Variants in GOLM1 observed in about 807,000 individuals in gnomAD.
GOLM1 encodes epididymis luminal protein 46.
A neutral mutation model predicts 50.5 loss-of-function variants in GOLM1; 31 were observed. The observed-to-expected ratio is 0.61, with a 90% CI of 0.46 to 0.83. The LOEUF (loss-of-function observed/expected upper bound fraction) is 0.83, where lower values mean the gene tolerates loss of function less well. Among genes scored for constraint, GOLM1 ranks in the 40% least tolerant of loss-of-function variants. The pLI is 0.00. For synonymous variants in GOLM1, 178 were observed against 192.8 expected (o/e 0.92, Z 0.64); for missense variants, 491 against 501.3 (o/e 0.98, Z 0.20).
intron 4 of GOLM1, among the ~76,000 whole-genome samples, 191 bp from the exon 5 acceptor site, chr9:86,046,763 T>C (rs1326523583): frequency 2.0e-5 from 3 of 152,014 alleles, no homozygotes; most frequent in Admixed American, 2.0e-4. Flanking sequence ...CTGTGGAGAG[T>C]GCTCTGCAAG....
chr9:86,100,001 G>T (rs1258098977), upstream of GOLM1: 1 of 152,244 alleles, frequency 6.6e-6, no homozygotes, highest in Non-Finnish European at 1.5e-5. Context: ...ACGAAAAACA[G>T]GTTTTTAGGG....
At chr9:86,088,423 T>TGC (rs1437989368) in intron 1 of GOLM1, among the ~76,000 whole-genome samples, 209 of 17,874 alleles carry the variant, frequency 0.012, 5 homozygotes, top group African/African-American at 0.017. Context: ...GAAGGGTGTA[T>TGC]ATATATATAT....
chr9:86,045,767 T>A (rs1272494548), intron 5 of GOLM1, among the ~76,000 whole-genome samples: 1 of 151,862 alleles, frequency 6.6e-6, no homozygotes, highest in Non-Finnish European at 1.5e-5. Flanking sequence ...ATGACTGCAA[T>A]TAAGTAAACA....
intron 4 of GOLM1, among the ~76,000 whole-genome samples, chr9:86,049,096 T>C (rs1336403245): frequency 6.6e-6 from 1 of 152,224 alleles, no homozygotes; most frequent in Non-Finnish European, 1.5e-5. Flanking sequence ...TACATATGGA[T>C]AGCCAGTTTT....
intron 3 of GOLM1, among the ~76,000 whole-genome samples, chr9:86,054,423 C>T (rs1418643774): frequency 6.6e-6 from 1 of 152,112 alleles, no homozygotes; most frequent in East Asian, 1.9e-4. Flanking sequence ...GGGGTTTCAC[C>T]ATGTTGGCCA....
chr9:86,095,075 A>G (rs1358821694), intron 1 of GOLM1, among the ~76,000 whole-genome samples: 1 of 18,668 alleles, frequency 5.4e-5, no homozygotes, highest in East Asian at 1.1e-3. Context: ...AACCCCGTCT[A>G]AAAAAAAAAA....
intron 2 of GOLM1, 79 bp downstream of exon 2, chr9:86,079,113 A>C (rs1307949966): frequency 3.8e-6 from 5 of 1,319,138 alleles, no homozygotes; most frequent in African/African-American, 1.5e-5. Context: ...AATAAACAAC[A>C]AACCCCTGGG....
At chr9:86,060,046 TTAAAAA>T (rs1248335103) in intron 3 of GOLM1, among the ~76,000 whole-genome samples, 1 of 152,138 alleles carries the variant, frequency 6.6e-6, no homozygotes, top group African/African-American at 2.4e-5. Flanking sequence ...TATCCCAACT[TTAAAAA>T]TAAGAAACAG....
At chr9:86,076,414 C>T (rs7868249) in intron 3 of GOLM1, among the ~76,000 whole-genome samples, 28,094 of 104,252 alleles carry the variant, frequency 0.27, 5,757 homozygotes, top group African/African-American at 0.59. Context: ...AGAGGGAAAC[C>T]CCATCTCAAA....
chr9:86,027,206 C>T lies in GOLM1; in HGVS notation c.*611G>A. ...TGACAAGGGTTATTATACAAGTAGC[C>T]TTTTAAAAAATTCTCACACAGAACA... On this transcript the variant is annotated 3_prime_UTR_variant, in exon 10 of 10. Coordinates refer to ENST00000388712, the MANE Select transcript of GOLM1 (RefSeq NM_016548.4). The T allele has an allele frequency of 1.0e-6, 1 of 985,310 alleles. No homozygotes were observed. The highest frequency in any genetic ancestry group is 1.2e-6 in the Non-Finnish European group (1 of 829,826). 61.0% of individuals were successfully genotyped at this position (985,310 alleles called of 1,614,324 possible).
At position 86,068,141 on chromosome 9, in the gene GOLM1, C is replaced by T. The variant is rs371863706; in HGVS notation, c.309+9271G>A. 7.9e-5 allele frequency among the ~76,000 whole-genome samples: 12 copies of T among 151,998 alleles called. 1 individual carries two copies. Among genetic ancestry groups the T allele is most frequent in the African/African-American group, 2.2e-4 (9 of 41,448 alleles). ...GTTCTTATAAGAGGAGGAGAAGAGGCGAAAAGAAAGACTGAGAGGCAAGCA... is the reference window on the plus strand; with the variant it reads ...GTTCTTATAAGAGGAGGAGAAGAGGTGAAAAGAAAGACTGAGAGGCAAGCA... On this transcript the variant is annotated intron_variant, in intron 3 of 9. Coordinates refer to ENST00000388712, the MANE Select transcript of GOLM1 (RefSeq NM_016548.4).
chr9:86,026,184 G>A lies in GOLM1; in HGVS notation c.*1633C>T. Reference sequence around the variant, plus strand: ...ACATTTTATTTCTCAGCAATTCTATGCGTACAAATTAAACATGAGATGAAT... The same window carrying A: ...ACATTTTATTTCTCAGCAATTCTATACGTACAAATTAAACATGAGATGAAT... On this transcript the variant is annotated 3_prime_UTR_variant, in exon 10 of 10. Coordinates refer to ENST00000388712, the MANE Select transcript of GOLM1 (RefSeq NM_016548.4). 1 of 981,560 alleles carries A rather than the reference G, an allele frequency of 1.0e-6. No homozygotes were observed. Among genetic ancestry groups the A allele is most frequent in the Non-Finnish European group, 1.2e-6 (1 of 826,418 alleles). The allele number at this position is 981,560 out of a possible 1,614,324, so 60.8% of individuals were successfully genotyped here.
chr9:86,052,111 T>C (rs1646028073), intron 4 of GOLM1, among the ~76,000 whole-genome samples: 1 of 152,012 alleles, frequency 6.6e-6, no homozygotes, highest in South Asian at 2.1e-4. Flanking sequence ...GGAAGACCAA[T>C]CCCCAGCTGC....
chr9:86,093,243 G>A (rs985229177), intron 1 of GOLM1, among the ~76,000 whole-genome samples: 2 of 152,110 alleles, frequency 1.3e-5, no homozygotes, highest in Non-Finnish European at 2.9e-5. Context: ...TGGGCATGGT[G>A]GTGTGTGCCT....
intron 5 of GOLM1, among the ~76,000 whole-genome samples, chr9:86,043,806 T>A (rs559613230): frequency 7.2e-5 from 11 of 152,284 alleles, no homozygotes; most frequent in African/African-American, 2.2e-4. Context: ...CTTTCCTACA[T>A]GGGGAGCAGA....
intron 3 of GOLM1, among the ~76,000 whole-genome samples, chr9:86,065,057 C>T (rs766719325): frequency 1.2e-4 from 18 of 152,170 alleles, no homozygotes; most frequent in Non-Finnish European, 4.4e-5. Flanking sequence ...AGCAGAACCC[C>T]GCTGGTCTCA....
At chr9:86,091,154 T>C (rs938488698) in intron 1 of GOLM1, among the ~76,000 whole-genome samples, 1 of 152,150 alleles carries the variant, frequency 6.6e-6, no homozygotes, top group Admixed American at 6.6e-5. Flanking sequence ...ATCACCTGTC[T>C]TCTGTGTTGA....
At chr9:86,070,077 G>T (rs1348624463) in intron 3 of GOLM1, among the ~76,000 whole-genome samples, 1 of 151,756 alleles carries the variant, frequency 6.6e-6, no homozygotes, top group Non-Finnish European at 1.5e-5. Flanking sequence ...TAGAGACAGG[G>T]TTTCACCATG....
chr9:86,072,739 T>C (rs565734884), intron 3 of GOLM1, among the ~76,000 whole-genome samples: 1 of 152,288 alleles, frequency 6.6e-6, no homozygotes, highest in African/African-American at 2.4e-5. Context: ...AAATGCATCA[T>C]TATGAGATTT....
Sources: allele counts gnomAD v4.1 joint callset (sites outside exome capture counted in the v4.1 genomes callset), GRCh38; gene constraint gnomAD v4.1.1; transcripts MANE v1.5; gene names NCBI Gene and HGNC (gene_info 2026-07-23, HGNC 2026-07-21).